Variants in SORD observed in about 807,000 individuals in gnomAD.
SORD encodes sorbitol dehydrogenase.
A neutral mutation model predicts 35.6 loss-of-function variants in SORD; 18 were observed. The observed-to-expected ratio is 0.51, with a 90% CI of 0.35 to 0.75. The LOEUF is 0.75. Among genes scored for constraint, SORD ranks in the 30% least tolerant of loss-of-function variants. The probability of loss-of-function intolerance (pLI) is 0.01; values close to 1 mark genes in which losing one functional copy is unlikely to be tolerated. For synonymous variants in SORD, 106 were observed against 152.9 expected, an observed-to-expected ratio of 0.69 and a Z score of 2.26; for missense variants, 250 against 390.2, an observed-to-expected ratio of 0.64 and a Z score of 3.03.
chr15:45,036,163 A>T (rs1421359434), intron 1 of SORD: 2 of 329,012 alleles, frequency 6.1e-6, no homozygotes, highest in Non-Finnish European at 1.2e-5. Flanking sequence ...CAGAATGAAC[A>T]AACTCCGGAC....
At chr15:45,047,280 T>G (rs1465219059) in intron 3 of SORD, 2 of 151,882 alleles carry the variant, frequency 1.3e-5, no homozygotes, top group Admixed American at 1.3e-4. Context: ...GTGAGTACTT[T>G]CAACACAAAA....
At chr15:45,038,233 C>T (rs1466152569) in intron 1 of SORD, among the ~76,000 whole-genome samples, 1 of 151,308 alleles carries the variant, frequency 6.6e-6, no homozygotes, top group East Asian at 2.0e-4. Context: ...GATAAAAAGA[C>T]TCCCTTAAGC....
intron 3 of SORD, among the ~76,000 whole-genome samples, chr15:45,060,786 A>G (rs887447587): frequency 2.0e-5 from 3 of 152,142 alleles, no homozygotes; most frequent in African/African-American, 7.2e-5. Flanking sequence ...AGGGCAGGCC[A>G]CACTGGGCTG....
intron 3 of SORD, among the ~76,000 whole-genome samples, chr15:45,055,299 A>G (rs1170576712): frequency 6.6e-6 from 1 of 152,200 alleles, no homozygotes; most frequent in Non-Finnish European, 1.5e-5. Context: ...AAAAAATGAT[A>G]AAGGGGATAT....
At chr15:45,069,624 G>A (rs757313504) in intron 7 of SORD, among the ~76,000 whole-genome samples, 1 of 152,068 alleles carries the variant, frequency 6.6e-6, no homozygotes. Context: ...ACACACTTTG[G>A]GGATGGGGTT....
chr15:45,052,003 C>G (rs1054773339), intron 3 of SORD, among the ~76,000 whole-genome samples: 2 of 152,218 alleles, frequency 1.3e-5, no homozygotes, highest in Admixed American at 1.3e-4. Context: ...TCAGCTTTAT[C>G]TTAACCTAAT....
At chr15:45,073,132 C>G (rs1893539140) in intron 8 of SORD, among the ~76,000 whole-genome samples, 1 of 131,670 alleles carries the variant, frequency 7.6e-6, no homozygotes, top group South Asian at 2.2e-4. Flanking sequence ...GGCTCCATGG[C>G]AGACGTGGCA....
At chr15:45,046,514 T>A (rs4775721) in intron 3 of SORD, among the ~76,000 whole-genome samples, 146,833 of 152,302 alleles carry the variant, frequency 0.96, 70,878 homozygotes, top group Non-Finnish European at 0.99. Context: ...GAGTGCTGGG[T>A]TTACATAGGC....
chr15:45,026,200 C>G (rs978554310), intron 1 of SORD, among the ~76,000 whole-genome samples: 2 of 152,206 alleles, frequency 1.3e-5, no homozygotes, highest in African/African-American at 4.8e-5. Flanking sequence ...GCTCCTCCAT[C>G]TTTTCCTTAA....
rs1893299421 is a variant in SORD at position 45,061,185 on chromosome 15, C to T, written c.384C>T (p.Asn128=). 6.2e-7 allele frequency: 1 copy of T among 1,614,228 alleles called. No individual in the cohort carries two copies. The highest frequency in any genetic ancestry group is 1.3e-5 in the African/African-American group (1 of 75,048). The change falls in exon 4 of 9, where the codon AAC becomes AAT. Residue 128 remains asparagine (N), a synonymous_variant. Coordinates refer to ENST00000267814, the MANE Select transcript of SORD (RefSeq NM_003104.6). ...GTGCCACGCCCCCCGATGACGGGAA[C>T]CTCTGCCGGTTCTATAAGCACAATG... ...FFCATPPDDG[N]LCRFYKHNAA...
At chr15:45,062,287 G>T (rs967099917) in intron 4 of SORD, among the ~76,000 whole-genome samples, 1 of 152,242 alleles carries the variant, frequency 6.6e-6, no homozygotes, top group Non-Finnish European at 1.5e-5. Context: ...CCTGCCCTGT[G>T]CCCACTCCCC....
chr15:45,052,475 G>A (rs962636208), intron 3 of SORD, among the ~76,000 whole-genome samples: 5 of 152,124 alleles, frequency 3.3e-5, no homozygotes, highest in African/African-American at 7.2e-5. Context: ...TTGGACAAAG[G>A]GCCAATAGTG....
At chr15:45,040,315 A>G (rs1335803680) in intron 1 of SORD, 93 bp from the exon 2 acceptor site, 1 of 874,780 alleles carries the variant, frequency 1.1e-6, no homozygotes, top group Admixed American at 2.1e-5. Flanking sequence ...GAAATAAACT[A>G]TTGATGAAAC....
chr15:45,031,104 T>G (rs1321038945), intron 1 of SORD, among the ~76,000 whole-genome samples: 2 of 152,148 alleles, frequency 1.3e-5, no homozygotes, highest in African/African-American at 2.4e-5. Flanking sequence ...GGTGGGAGGA[T>G]CACTTGAGGC....
chr15:45,030,849 A>T (rs1370110286), intron 1 of SORD, among the ~76,000 whole-genome samples: 1 of 152,240 alleles, frequency 6.6e-6, no homozygotes, highest in Non-Finnish European at 1.5e-5. Context: ...GCAGGAGGTG[A>T]TGCCTGAGCA....
chr15:45,034,313 C>G (rs564610082), intron 1 of SORD, among the ~76,000 whole-genome samples: 3 of 152,192 alleles, frequency 2.0e-5, no homozygotes, highest in East Asian at 3.9e-4. Flanking sequence ...TCTGAGTTCA[C>G]TGTGCCACTC....
intron 3 of SORD, among the ~76,000 whole-genome samples, chr15:45,060,345 A>G (rs1348794684): frequency 1.3e-5 from 2 of 152,186 alleles, no homozygotes; most frequent in Non-Finnish European, 1.5e-5. Flanking sequence ...GAAATTCTTC[A>G]TAATAAAAAG....
intron 2 of SORD, among the ~76,000 whole-genome samples, chr15:45,042,072 C>T (rs1321496132): frequency 6.6e-6 from 1 of 152,152 alleles, no homozygotes; most frequent in Non-Finnish European, 1.5e-5. Context: ...AGATTTGGGT[C>T]TCTTTGTCTT....
chr15:45,063,681 T>C (rs1893359690), intron 4 of SORD, among the ~76,000 whole-genome samples: 1 of 152,216 alleles, frequency 6.6e-6, no homozygotes, highest in Non-Finnish European at 1.5e-5. Context: ...CGATGTAGTT[T>C]CCACGCAAGC....
Sources: gnomAD v4.1 joint callset for allele counts (sites outside exome capture counted in the v4.1 genomes callset) on GRCh38, gnomAD v4.1.1 for gene constraint, MANE v1.5 for transcripts, NCBI Gene and HGNC (gene_info 2026-07-23, HGNC 2026-07-21) for gene names.